GRK5: variants seen among roughly 807,000 people sequenced by gnomAD.
The protein encoded by GRK5 is g protein-coupled receptor kinase GRK5.
In GRK5, 40 loss-of-function variants were observed where a neutral mutation model predicts 78.4. The ratio of observed to expected loss-of-function variants is 0.51; its 90% confidence interval spans 0.40 to 0.66. The LOEUF (loss-of-function observed/expected upper bound fraction) is 0.66. Ranked by LOEUF, GRK5 falls within the 30% of genes least tolerant of loss-of-function variation. The probability of loss-of-function intolerance (pLI) is 0.00; values close to 1 mark genes in which losing one functional copy is unlikely to be tolerated. For missense variants in GRK5, 598 were observed against 759.9 expected (o/e 0.79, Z 2.50); for synonymous variants, 289 against 296.8 (o/e 0.97, Z 0.27).
Position 119,335,175 on chromosome 10 carries a change from T to C in GRK5, c.148+8564T>C, listed in dbSNP as rs375699809. ...CTCTCTCTCTCTCTCTCTCTCTCTC[T>C]CCCCCTCTCCCTCTCCCCCCACCTC... On this transcript the variant is annotated intron_variant, in intron 2 of 15. Transcript: ENST00000392870. 6.7e-3 allele frequency among the ~76,000 whole-genome samples: 754 copies of C among 113,188 alleles called. 15 individuals are homozygous for C. Among genetic ancestry groups the C allele is most frequent in the African/African-American group, 0.024 (634 of 26,232 alleles). The allele number at this position is 113,188 out of a possible 152,430, so 74.3% of individuals were successfully genotyped here. A position where few individuals can be genotyped will look rare whatever the true frequency, so the allele number is the denominator to read the frequency against.
chr10:119,234,885 G>C (rs570298729), intron 1 of GRK5, among the ~76,000 whole-genome samples: 66 of 152,216 alleles, frequency 4.3e-4, no homozygotes, highest in Middle Eastern at 3.4e-3. Context: ...ATGTTAGCCA[G>C]GCTGGTCTCG....
intron 13 of GRK5, among the ~76,000 whole-genome samples, chr10:119,450,797 C>T (rs1397799958): frequency 6.6e-6 from 1 of 152,128 alleles, no homozygotes; most frequent in Admixed American, 6.5e-5. Flanking sequence ...GCCCTCCTGC[C>T]TCAGCCGTGT....
intron 2 of GRK5, among the ~76,000 whole-genome samples, chr10:119,346,154 G>T (rs1244220950): frequency 6.6e-6 from 1 of 152,194 alleles, no homozygotes; most frequent in Non-Finnish European, 1.5e-5. Context: ...CAATGCCTGG[G>T]CTCTGCGGGA....
intron 1 of GRK5, among the ~76,000 whole-genome samples, chr10:119,274,323 A>G (rs1386697044): frequency 6.6e-6 from 1 of 152,204 alleles, no homozygotes; most frequent in Non-Finnish European, 1.5e-5. Context: ...AAGACTGGGA[A>G]ATAGAGCTAG....
chr10:119,261,416 T>C lies in GRK5; in HGVS notation c.52+53447T>C, dbSNP rs373949197. Among the ~76,000 whole-genome samples, 348 of 131,242 alleles carry C rather than the reference T, an allele frequency of 2.7e-3. 2 individuals are homozygous for C. The highest frequency in any genetic ancestry group is 9.9e-3 in the African/African-American group (335 of 33,886). 86.1% of individuals were successfully genotyped at this position (131,242 alleles called of 152,430 possible). The stretch of plus-strand genomic sequence containing the variant: ...CAGAGACGCTCCTCACTTTCCAGAC[T>C]GGGCAGCCAGGCAGAGGGGCTCCTC... On this transcript the variant is annotated intron_variant, in intron 1 of 15. Transcript: ENST00000392870.
chr10:119,343,190 C>T (rs11198889), intron 2 of GRK5, among the ~76,000 whole-genome samples: 1 of 152,136 alleles, frequency 6.6e-6, no homozygotes, highest in Non-Finnish European at 1.5e-5. Context: ...ATCTTCAGTA[C>T]TAAGAGCCCA....
intron 2 of GRK5, among the ~76,000 whole-genome samples, chr10:119,337,814 G>A (rs923443121): frequency 2.6e-5 from 4 of 151,946 alleles, no homozygotes; most frequent in African/African-American, 7.3e-5. Context: ...GTAGAGACGG[G>A]GTTTCACCAG....
At chr10:119,211,795 G>A (rs1407642031) in intron 1 of GRK5, 1 of 152,262 alleles carries the variant, frequency 6.6e-6, no homozygotes, top group African/African-American at 2.4e-5. Context: ...GGGAGGGCAG[G>A]AAGAAGGAGT....
rs1474627207 is a variant in GRK5, at chr10:119,319,844, C to T, written c.53-6672C>T. The stretch of plus-strand genomic sequence containing the variant: ...CTGAATGAGGGCCAAATGTACAGTG[C>T]CCAGGTCAGTGCTCAGCCCAGAAGG... On this transcript the variant is annotated intron_variant, in intron 1 of 15. Transcript: ENST00000392870. 2.0e-5 allele frequency among the ~76,000 whole-genome samples: 3 copies of T among 152,238 alleles called. No homozygotes were observed. In the East Asian group the frequency reaches 5.8e-4, roughly 29 times the overall value.
chr10:119,353,932 CTTTTTTTTTTTT>C (rs761463283), intron 2 of GRK5, among the ~76,000 whole-genome samples: 1 of 108,736 alleles, frequency 9.2e-6, no homozygotes, highest in Admixed American at 1.1e-4. Context: ...TTTTTTCTTT[CTTTTTTTTTTTT>C]TTTTTTTTGA....
chr10:119,254,597 G>T (rs760759757), intron 1 of GRK5, among the ~76,000 whole-genome samples: 1 of 152,014 alleles, frequency 6.6e-6, no homozygotes. Flanking sequence ...GATGGCTGGG[G>T]CACGGAGGAT....
intron 8 of GRK5, among the ~76,000 whole-genome samples, chr10:119,436,279 G>A (rs932744929): frequency 1.3e-5 from 2 of 152,200 alleles, no homozygotes; most frequent in Non-Finnish European, 2.9e-5. Context: ...TACCCAAAAG[G>A]GCAAGTGAGC....
In GRK5 at chr10:119,378,724, G is replaced by C. The variant is rs999148184; in HGVS notation, c.149-2091G>C. Among the ~76,000 whole-genome samples, 1 of 152,218 alleles carries C rather than the reference G, an allele frequency of 6.6e-6. No homozygotes were observed. Among genetic ancestry groups the C allele is most frequent in the Non-Finnish European group, 1.5e-5 (1 of 68,038 alleles). ...GGGGAAGGCGGTCTCAGCAGCCCTC[G>C]GCTGACCAGTCATCCCCAAGAACCC... is the stretch of plus-strand genomic sequence containing the variant. On this transcript the variant is annotated intron_variant, in intron 2 of 15. Coordinates refer to ENST00000392870, the MANE Select transcript of GRK5 (RefSeq NM_005308.3). The surrounding 1 kb of genome is among the most constrained non-coding windows in gnomAD (Gnocchi z 4.5).
At chr10:119,291,600 CTCTTCCTCCTCCTCTTCTTCCTCCTCT>C (rs1849959731) in intron 1 of GRK5, among the ~76,000 whole-genome samples, 1 of 128,258 alleles carries the variant, frequency 7.8e-6, no homozygotes, top group Admixed American at 7.7e-5. Context: ...CCTCCTCCTC[CTCTTCCTCCTCCTCTTCTTCCTCCTCT>C]TCCTCCTTCT....
intron 1 of GRK5, among the ~76,000 whole-genome samples, chr10:119,209,630 G>T (rs936855420): frequency 5.4e-5 from 8 of 149,090 alleles, no homozygotes; most frequent in African/African-American, 1.7e-4. Flanking sequence ...CACCTCCCCC[G>T]CCCCTCTTTC....
Position 119,457,281 on chromosome 10 carries a change from G to A in GRK5, c.*2214G>A. The A allele has an allele frequency of 6.6e-6, 1 of 152,294 alleles. No individual in the cohort carries two copies. The highest frequency in any genetic ancestry group is 1.5e-5 in the Non-Finnish European group (1 of 68,034). The allele number at this position is 152,294 out of a possible 1,614,324, so 9.4% of individuals were successfully genotyped here. A position where few individuals can be genotyped will look rare whatever the true frequency, so the allele number is the denominator to read the frequency against. On this transcript the variant is annotated 3_prime_UTR_variant, in exon 16 of 16. Transcript: ENST00000392870. ...CTCAGTCCTTACCAGATGGATTCTT[G>A]GTGTTGGGAAGCAGCCTCTTTTTAT...
chr10:119,279,300 A>G (rs147842477), intron 1 of GRK5, among the ~76,000 whole-genome samples: 1 of 152,256 alleles, frequency 6.6e-6, no homozygotes, highest in African/African-American at 2.4e-5. Flanking sequence ...AAATACAGTC[A>G]TGTTCTGAGG....
chr10:119,448,320 G>T (rs901128201), intron 13 of GRK5, 60 bp downstream of exon 13: 2 of 1,529,406 alleles, frequency 1.3e-6, no homozygotes, highest in African/African-American at 2.9e-5. Context: ...GGCTGCCCCC[G>T]AGTGCTGCCT....
At position 119,456,953 on chromosome 10, in the gene GRK5, G is replaced by A. The variant is rs190861773; in HGVS notation, c.*1886G>A. On this transcript the variant is annotated 3_prime_UTR_variant, in exon 16 of 16. Coordinates refer to ENST00000392870, the MANE Select transcript of GRK5 (RefSeq NM_005308.3). This position sits in a 1 kb window ranked among gnomAD's most constrained non-coding sequence, Gnocchi z 5.5. Reference sequence around the variant, plus strand: ...CCTTTTACAAAGAAATGGGGGAGAAGAAATAGCTGGGCTTCCCTCAAATCT... The same window carrying A: ...CCTTTTACAAAGAAATGGGGGAGAAAAAATAGCTGGGCTTCCCTCAAATCT... 3 of 152,178 alleles carry A rather than the reference G, an allele frequency of 2.0e-5. No individual in the cohort carries two copies. Among genetic ancestry groups the A allele is most frequent in the Admixed American group, 6.5e-5 (1 of 15,276 alleles). 9.4% of individuals were successfully genotyped at this position (152,178 alleles called of 1,614,324 possible).
Sources: gnomAD v4.1 joint callset for allele counts (sites outside exome capture counted in the v4.1 genomes callset) on GRCh38, gnomAD v4.1.1 for gene constraint, Gnocchi (gnomAD v3.1) non-coding constraint, MANE v1.5 for transcripts, NCBI Gene and HGNC (gene_info 2026-07-23, HGNC 2026-07-21) for gene names.